SCN11A: variants seen among roughly 807,000 people sequenced by gnomAD.
SCN11A encodes sodium voltage-gated channel alpha subunit 11, also known as sodium channel protein type 11 subunit alpha.
In SCN11A, 122 loss-of-function variants were observed where a neutral mutation model predicts 162.2. The observed-to-expected ratio is 0.75, with a 90% confidence interval of 0.65 to 0.87. SCN11A has a LOEUF of 0.87. SCN11A is among the 40% of genes least tolerant of loss of function. The probability of loss-of-function intolerance (pLI) is 0.00; values close to 1 mark genes in which losing one functional copy is unlikely to be tolerated. For synonymous variants in SCN11A, 758 were observed against 751.5 expected (o/e 1.01, Z -0.14); for missense variants, 2,015 against 2,181.6 (o/e 0.92, Z 1.52).
At chr3:39,036,409 T>G (rs2031906505) in intron 1 of SCN11A, among the ~76,000 whole-genome samples, 1 of 152,240 alleles carries the variant, frequency 6.6e-6, no homozygotes, top group South Asian at 2.1e-4. Context: ...CCTCCTAAAG[T>G]GCTGAGATTA....
chr3:38,984,789 G>A (rs1335170729), intron 2 of SCN11A, among the ~76,000 whole-genome samples: 1 of 152,204 alleles, frequency 6.6e-6, no homozygotes, highest in African/African-American at 2.4e-5. Flanking sequence ...GGGATTACAG[G>A]CGTGAGCCAC....
intron 2 of SCN11A, among the ~76,000 whole-genome samples, chr3:39,005,215 G>C (rs1168120065): frequency 2.6e-5 from 4 of 152,200 alleles, no homozygotes; most frequent in Admixed American, 1.3e-4. Flanking sequence ...GGCAGGCCCA[G>C]GCCTGGTTTC....
At chr3:38,945,741 G>A (rs1453300872) in intron 6 of SCN11A, among the ~76,000 whole-genome samples, 1 of 152,182 alleles carries the variant, frequency 6.6e-6, no homozygotes, top group Non-Finnish European at 1.5e-5. Flanking sequence ...CTACATGTCT[G>A]ACTGACTTAG....
At chr3:39,049,553 T>A (rs943363532) in intron 1 of SCN11A, among the ~76,000 whole-genome samples, 1 of 152,240 alleles carries the variant, frequency 6.6e-6, no homozygotes, top group Non-Finnish European at 1.5e-5. Context: ...CTTGCCTACA[T>A]GTGACTGGCT....
chr3:38,989,832 C>T (rs2030393231), intron 2 of SCN11A, among the ~76,000 whole-genome samples: 1 of 151,886 alleles, frequency 6.6e-6, no homozygotes, highest in African/African-American at 2.4e-5. Context: ...TCATTAAGGC[C>T]CCCTACAATC....
At chr3:38,933,718 A>G (rs974626380) in intron 7 of SCN11A, among the ~76,000 whole-genome samples, 58 of 152,252 alleles carry the variant, frequency 3.8e-4, no homozygotes, top group African/African-American at 1.4e-3. Flanking sequence ...GAAATATGGG[A>G]CTATGTGAAA....
intron 11 of SCN11A, among the ~76,000 whole-genome samples, chr3:38,912,064 C>T (rs1417983473): frequency 1.3e-5 from 2 of 152,122 alleles, no homozygotes; most frequent in African/African-American, 2.4e-5. Context: ...GTAGGTTTTG[C>T]TTTAGGTTGA....
chr3:38,930,213 T>C (rs564086918), intron 7 of SCN11A, among the ~76,000 whole-genome samples: 7 of 152,310 alleles, frequency 4.6e-5, no homozygotes, highest in African/African-American at 1.7e-4. Flanking sequence ...CCAGTCATAA[T>C]AGCCCTGAAA....
Position 38,903,867 on chromosome 3 carries a change from A to T in SCN11A, c.1840T>A (p.Leu614Met). The T allele has an allele frequency of 6.3e-7, 1 of 1,578,960 alleles. No individual in the cohort carries two copies. The highest frequency in any genetic ancestry group is 8.6e-7 in the Non-Finnish European group (1 of 1,159,990). ...SFEKMLNIGN[L>M]VFTSIFIAEM... is the part of the protein sequence containing the mutation. ...ATTTTTAAAAAGTGTAATGTTACCA[A>T]ATTCCCTATATTCAACATCTTCTCA... The change falls in exon 16 of 30, where the codon TTG becomes ATG. Residue 614 changes from leucine to methionine, a missense_variant and splice_region_variant. Physicochemically the swap from Leu to Met is conservative, Grantham distance 15 (BLOSUM62 2). Transcript: ENST00000302328.
intron 20 of SCN11A, 67 bp from the exon 21 acceptor site, chr3:38,885,469 A>G: frequency 1.2e-6 from 1 of 863,664 alleles, no homozygotes; most frequent in Middle Eastern, 2.2e-4. Flanking sequence ...AGTAGTACGG[A>G]GTTTCTCATT....
At chr3:39,040,786 T>G (rs1266443086) in intron 1 of SCN11A, among the ~76,000 whole-genome samples, 1 of 151,744 alleles carries the variant, frequency 6.6e-6, no homozygotes, top group Non-Finnish European at 1.5e-5. Flanking sequence ...AAGAAGAAAA[T>G]AATTTCTGAA....
At chr3:38,938,507 ATCATATATATATATATATATATAT>A (rs2066374115) in intron 7 of SCN11A, among the ~76,000 whole-genome samples, 4 of 105,858 alleles carry the variant, frequency 3.8e-5, no homozygotes, top group African/African-American at 1.5e-4. Flanking sequence ...AAGGAAAAAT[ATCATATATATATATATATATATAT>A]ATATATATAT....
In SCN11A at chr3:38,896,994, C is replaced by T. The variant is rs1173970901; in HGVS notation, c.2254G>A (p.Gly752Arg). 2.5e-6 allele frequency: 4 copies of T among 1,613,986 alleles called. No homozygotes were observed. The highest frequency in any genetic ancestry group is 1.7e-5 in the Admixed American group (1 of 60,000). Residue 752 changes from glycine to arginine, a missense_variant, in exon 18 of 30, where the codon GGG becomes AGG. Coordinates refer to ENST00000302328, the MANE Select transcript of SCN11A (RefSeq NM_001349253.2). ...ACTAGGAAGGAGTGCCAGAAATCCC[C>T]CATGTGCCAGTGCCGTAAACATGAG... ...TVSCLRHWHMGDFWHSFLVVF... is the reference protein window; with the variant it reads ...TVSCLRHWHMRDFWHSFLVVF...
intron 23 of SCN11A, among the ~76,000 whole-genome samples, chr3:38,876,888 A>G (rs1190163630): frequency 6.6e-6 from 1 of 151,890 alleles, no homozygotes; most frequent in Non-Finnish European, 1.5e-5. Flanking sequence ...TATATGAAAA[A>G]GACACTTGCA....
intron 1 of SCN11A, among the ~76,000 whole-genome samples, chr3:39,039,080 C>T (rs975721696): frequency 1.3e-5 from 2 of 152,154 alleles, no homozygotes; most frequent in African/African-American, 2.4e-5. Flanking sequence ...AATACCATAA[C>T]CTTCTTCCTC....
At chr3:38,902,666 T>C (rs142969848) in intron 16 of SCN11A, among the ~76,000 whole-genome samples, 2,411 of 152,154 alleles carry the variant, frequency 0.016, 64 homozygotes, top group African/African-American at 0.056. Flanking sequence ...TACAGGCGCC[T>C]GCCACCATGC....
chr3:38,902,187 T>C (rs76802660), intron 16 of SCN11A, among the ~76,000 whole-genome samples: 6 of 152,316 alleles, frequency 3.9e-5, no homozygotes, highest in Middle Eastern at 3.4e-3. Flanking sequence ...CATGCCCCTA[T>C]AGACACAGCT....
intron 2 of SCN11A, among the ~76,000 whole-genome samples, chr3:38,967,320 T>C (rs2066789217): frequency 6.6e-6 from 1 of 152,188 alleles, no homozygotes; most frequent in Admixed American, 6.5e-5. Flanking sequence ...ATAAAGGGCA[T>C]TGCAAGTTTT....
At chr3:38,979,520 C>T (rs1414075608) in intron 2 of SCN11A, among the ~76,000 whole-genome samples, 2 of 152,208 alleles carry the variant, frequency 1.3e-5, no homozygotes, top group Non-Finnish European at 2.9e-5. Flanking sequence ...TCATCCCATT[C>T]ACACAAGACT....
Sources: gnomAD v4.1 joint callset for allele counts (sites outside exome capture counted in the v4.1 genomes callset) on GRCh38, gnomAD v4.1.1 for gene constraint, MANE v1.5 for transcripts, NCBI Gene and HGNC (gene_info 2026-07-23, HGNC 2026-07-21) for gene names.